Variants in AGO3 observed in about 807,000 individuals in gnomAD.
AGO3 encodes the protein protein argonaute-3.
In AGO3, 16 loss-of-function variants were observed where a neutral mutation model predicts 105.5. The observed-to-expected ratio is 0.15, with a 90% CI of 0.10 to 0.23. The LOEUF (loss-of-function observed/expected upper bound fraction) is 0.23, where lower values mean the gene tolerates loss of function less well. Among genes scored for constraint, AGO3 ranks in the 10% least tolerant of loss-of-function variants. The pLI is 1.00. For synonymous variants in AGO3, 340 were observed against 367.3 expected (o/e 0.93, Z 0.85); for missense variants, 534 against 1,088.0 (o/e 0.49, Z 7.16).
In AGO3 at chr1:36,066,412, T is replaced by G. The variant is rs559308150; in HGVS notation, c.*10667T>G. 1.3e-5 allele frequency: 2 copies of G among 152,060 alleles called. No individual in the cohort carries two copies. Among genetic ancestry groups the G allele is most frequent in the East Asian group, 1.9e-4 (1 of 5,154 alleles). 9.4% of individuals were successfully genotyped at this position (152,060 alleles called of 1,614,324 possible). A position where few individuals can be genotyped will look rare whatever the true frequency, so the allele number is the denominator to read the frequency against. ...CCGTCTCTACTAAAAATACAAAAAT[T>G]AGCCAGGCATGGTGGTGGGCGCCTG... On this transcript the variant is annotated 3_prime_UTR_variant, in exon 19 of 19. Coordinates refer to ENST00000373191, the MANE Select transcript of AGO3 (RefSeq NM_024852.4).
At chr1:35,938,358 A>G (rs1380056280) in intron 1 of AGO3, among the ~76,000 whole-genome samples, 1 of 152,188 alleles carries the variant, frequency 6.6e-6, no homozygotes, top group Non-Finnish European at 1.5e-5. Flanking sequence ...CGATATAAGA[A>G]TGTCTCAAAT....
At chr1:35,987,492 CA>C (rs894858246) in intron 5 of AGO3, among the ~76,000 whole-genome samples, 5 of 146,824 alleles carry the variant, frequency 3.4e-5, no homozygotes, top group African/African-American at 1.3e-4. Context: ...GACTCTGTTT[CA>C]AAAAAAAAGC....
chr1:35,958,396 A>G (rs1055682826), intron 2 of AGO3, among the ~76,000 whole-genome samples: 1 of 151,316 alleles, frequency 6.6e-6, no homozygotes. Context: ...AAAAAGAAAA[A>G]TTTTTGTTCT....
At chr1:35,962,759 T>G (rs1235968858) in intron 2 of AGO3, among the ~76,000 whole-genome samples, 2 of 152,100 alleles carry the variant, frequency 1.3e-5, no homozygotes, top group Admixed American at 1.3e-4. Context: ...AATTGGGTCC[T>G]TGCTGTTTAT....
chr1:36,053,385 A>C (rs533683475), intron 17 of AGO3, among the ~76,000 whole-genome samples: 4 of 151,122 alleles, frequency 2.6e-5, no homozygotes, highest in Non-Finnish European at 5.9e-5. Context: ...GGTTAAAGAG[A>C]TTCTCCTGCC....
chr1:36,027,478 T>C lies in AGO3; in HGVS notation c.1591+180T>C, dbSNP rs1010377078. Among the ~76,000 whole-genome samples the C allele has an allele frequency of 6.6e-6, 1 of 152,188 alleles. No individual in the cohort carries two copies. The highest frequency in any genetic ancestry group is 2.4e-5 in the African/African-American group (1 of 41,452). ...AAACTAAATAGTCCAAGATGAGACA[T>C]TGTAAAAAGAGTTTCCGGGCTGGGC... is the stretch of plus-strand genomic sequence containing the variant. On this transcript the variant is annotated intron_variant, in intron 12 of 18. Coordinates refer to ENST00000373191, the MANE Select transcript of AGO3 (RefSeq NM_024852.4). This position sits in a 1 kb window ranked among gnomAD's most constrained non-coding sequence, Gnocchi z 4.0.
Position 36,024,439 on chromosome 1 carries a change from C to T in AGO3, c.1407-2675C>T, listed in dbSNP as rs1277479907. Among the ~76,000 whole-genome samples, 7 of 152,176 alleles carry T rather than the reference C, an allele frequency of 4.6e-5. No homozygotes were observed. In the East Asian group the frequency reaches 1.4e-3, roughly 29 times the overall value. On this transcript the variant is annotated intron_variant, in intron 11 of 18. Coordinates refer to ENST00000373191, the MANE Select transcript of AGO3 (RefSeq NM_024852.4). ...GGTGTGAGCCACCGCACTCTGCCGA[C>T]CTTCTTGACATCCTCCTCTCTTGCC...
At chr1:35,961,110 AT>A (rs771234870) in intron 2 of AGO3, among the ~76,000 whole-genome samples, 385 of 140,294 alleles carry the variant, frequency 2.7e-3, no homozygotes, top group Admixed American at 2.6e-3. Context: ...AGCCCTGCTA[AT>A]TTTTTTTTTT....
chr1:35,966,973 G>A lies in AGO3; in HGVS notation c.210G>A (p.Met70Ile). ...TCTTTAGGGAGGTGGTTGACTCAAT[G>A]GTTCAGCATTTTAAAGTAACTATAT... ...RRVNREVVDS[M>I]VQHFKVTIFG... Residue 70 changes from methionine to isoleucine, a missense_variant, in exon 3 of 19, where the codon ATG becomes ATA. By Grantham distance (10) the Met-to-Ile change is conservative. Transcript: ENST00000373191. The A allele has an allele frequency of 6.2e-7, 1 of 1,611,776 alleles. No homozygotes were observed.
At position 36,066,368 on chromosome 1, in the gene AGO3, CTGGACAACA is replaced by C. The variant is rs1643093378; in HGVS notation, c.*10627_*10635del. 2.6e-5 allele frequency: 4 copies of C among 152,266 alleles called. No homozygotes were observed. In the South Asian group the frequency reaches 8.3e-4, roughly 32 times the overall value. 9.4% of individuals were successfully genotyped at this position (152,266 alleles called of 1,614,324 possible). A position where few individuals can be genotyped will look rare whatever the true frequency, so the allele number is the denominator to read the frequency against. ...CTGAGGTCAGGAGTTCGAGACCAGCCTGGACAACATGGCAAAACCCGTCTCTACTAAAAA... is the reference window on the plus strand; with the variant it reads ...CTGAGGTCAGGAGTTCGAGACCAGCCTGGCAAAACCCGTCTCTACTAAAAA... On this transcript the variant is annotated 3_prime_UTR_variant, in exon 19 of 19. Transcript: ENST00000373191.
chr1:36,010,935 G>A (rs1377640193), intron 9 of AGO3, among the ~76,000 whole-genome samples: 1 of 151,052 alleles, frequency 6.6e-6, no homozygotes, highest in Non-Finnish European at 1.5e-5. Flanking sequence ...GAGAGAGGGA[G>A]GGAGGGAGGG....
chr1:35,998,852 T>G (rs1639958715), intron 5 of AGO3, among the ~76,000 whole-genome samples: 1 of 152,178 alleles, frequency 6.6e-6, no homozygotes, highest in Non-Finnish European at 1.5e-5. Context: ...GAAGAAATTC[T>G]TCCTTACCTT....
At chr1:35,998,109 T>C (rs922657637) in intron 5 of AGO3, among the ~76,000 whole-genome samples, 2 of 152,328 alleles carry the variant, frequency 1.3e-5, no homozygotes, top group Admixed American at 1.3e-4. Context: ...ACTATCCCAC[T>C]GATATTTTGA....
chr1:35,934,129 T>C (rs1646105853), intron 1 of AGO3, among the ~76,000 whole-genome samples: 2 of 152,160 alleles, frequency 1.3e-5, no homozygotes, highest in South Asian at 4.1e-4. Context: ...ACTAAGAGTA[T>C]AGGTTATGTT....
At chr1:36,012,786 G>T (rs1378747483) in intron 9 of AGO3, among the ~76,000 whole-genome samples, 1 of 151,912 alleles carries the variant, frequency 6.6e-6, no homozygotes, top group Non-Finnish European at 1.5e-5. Context: ...ATTTTCAGCT[G>T]GGTAGTACAT....
intron 11 of AGO3, among the ~76,000 whole-genome samples, chr1:36,020,642 A>C (rs970717900): frequency 1.3e-5 from 2 of 151,946 alleles, no homozygotes; most frequent in African/African-American, 2.4e-5. Flanking sequence ...TTGAGACGGA[A>C]TCTCGCTCTG....
intron 5 of AGO3, among the ~76,000 whole-genome samples, chr1:35,997,596 A>G (rs920589876): frequency 6.6e-6 from 1 of 152,156 alleles, no homozygotes; most frequent in Non-Finnish European, 1.5e-5. Context: ...TATTGTGTTG[A>G]GTAGTTTAGA....
At chr1:35,933,099 C>G (rs1022843792) in intron 1 of AGO3, among the ~76,000 whole-genome samples, 1 of 151,930 alleles carries the variant, frequency 6.6e-6, no homozygotes, top group South Asian at 2.1e-4. Flanking sequence ...AAATGGATAC[C>G]CATTTAGCTG....
rs1226740295 is a variant in AGO3 at position 36,058,569 on chromosome 1, C to G, written c.*2824C>G. ...TTTAGATCTTTAGTTTCTCTCTTAC[C>G]TGTAATCCACTATTATTGCCAATTC... On this transcript the variant is annotated 3_prime_UTR_variant, in exon 19 of 19. Coordinates refer to ENST00000373191, the MANE Select transcript of AGO3 (RefSeq NM_024852.4). 1 of 151,964 alleles carries G rather than the reference C, an allele frequency of 6.6e-6. No homozygotes were observed. The highest frequency in any genetic ancestry group is 2.4e-5 in the African/African-American group (1 of 41,362). The allele number at this position is 151,964 out of a possible 1,614,324, so 9.4% of individuals were successfully genotyped here.
Sources: allele counts gnomAD v4.1 joint callset (sites outside exome capture counted in the v4.1 genomes callset), GRCh38; gene constraint gnomAD v4.1.1; non-coding constraint Gnocchi (gnomAD v3.1); transcripts MANE v1.5; gene names NCBI Gene and HGNC (gene_info 2026-07-23, HGNC 2026-07-21).